Variants in AASDH observed in about 807,000 individuals in gnomAD.
AASDH encodes the protein beta-alanine-activating enzyme.
A neutral mutation model predicts 102.3 loss-of-function variants in AASDH; 81 were observed. The observed-to-expected ratio is 0.79, with a 90% CI of 0.66 to 0.95. The LOEUF (loss-of-function observed/expected upper bound fraction) is 0.95. AASDH is among the 40% of genes least tolerant of loss of function. The pLI, the probability that AASDH is intolerant of heterozygous loss-of-function variation, is 0.00. For synonymous variants in AASDH, 398 were observed against 454.0 expected (o/e 0.88, Z 1.57); for missense variants, 1,203 against 1,266.2 (o/e 0.95, Z 0.76).
At chr4:56,385,905 G>C (rs935359686) in intron 1 of AASDH, among the ~76,000 whole-genome samples, 4 of 150,746 alleles carry the variant, frequency 2.7e-5, no homozygotes, top group African/African-American at 9.8e-5. Context: ...ACCGCGCCCG[G>C]CCGAGTCAAG....
intron 5 of AASDH, among the ~76,000 whole-genome samples, chr4:56,357,789 C>A (rs1385921318): frequency 2.6e-5 from 4 of 151,642 alleles, no homozygotes; most frequent in Non-Finnish European, 5.9e-5. Context: ...AGTTTCATTC[C>A]TTTTTATTGC....
intron 11 of AASDH, chr4:56,348,962 T>C (rs762637171): frequency 2.5e-5 from 10 of 401,320 alleles, no homozygotes; most frequent in Admixed American, 4.2e-5. Context: ...TTTTGGGGTA[T>C]TTGTGATACA....
Position 56,354,034 on chromosome 4 carries a change from T to G in AASDH, c.1383+5A>C, listed in dbSNP as rs753561180. 1 of 1,607,090 alleles carries G rather than the reference T, an allele frequency of 6.2e-7. No individual in the cohort carries two copies. The highest frequency in any genetic ancestry group is 8.5e-7 in the Non-Finnish European group (1 of 1,177,010). On this transcript the variant is annotated splice_donor_5th_base_variant and intron_variant, in intron 8 of 14. Coordinates refer to ENST00000205214, the MANE Select transcript of AASDH (RefSeq NM_181806.4). ...AATAGATATTCAATATTTAAATAGTTCTACCTGTTGCACAAGTTCAATGTT... is the reference window on the plus strand; with the variant it reads ...AATAGATATTCAATATTTAAATAGTGCTACCTGTTGCACAAGTTCAATGTT...
intron 4 of AASDH, among the ~76,000 whole-genome samples, chr4:56,372,332 C>T (rs1190732383): frequency 6.6e-6 from 1 of 152,154 alleles, no homozygotes. Flanking sequence ...TTGTGTAAAC[C>T]AATTTCTTAT....
intron 4 of AASDH, among the ~76,000 whole-genome samples, chr4:56,374,368 A>AG (rs1752108433): frequency 3.2e-5 from 1 of 31,320 alleles, no homozygotes; most frequent in Non-Finnish European, 6.9e-5. Flanking sequence ...ACTCTGTCTC[A>AG]GAAAAAAAAA....
At chr4:56,368,869 A>T (rs1281518088) in intron 5 of AASDH, among the ~76,000 whole-genome samples, 1 of 118,876 alleles carries the variant, frequency 8.4e-6, no homozygotes, top group Non-Finnish European at 2.0e-5. Context: ...AACTTAAATT[A>T]AAAAAAAAAA....
intron 5 of AASDH, among the ~76,000 whole-genome samples, chr4:56,364,832 A>C (rs1028608069): frequency 2.6e-5 from 4 of 152,238 alleles, no homozygotes; most frequent in African/African-American, 9.6e-5. Context: ...ATAACCAGCT[A>C]ACATCATAAT....
intron 4 of AASDH, among the ~76,000 whole-genome samples, chr4:56,377,646 G>C (rs1484287490): frequency 6.6e-6 from 1 of 152,134 alleles, no homozygotes; most frequent in Non-Finnish European, 1.5e-5. Context: ...CCCTAGGCTT[G>C]GATGAAACAG....
At position 56,343,675 on chromosome 4, in the gene AASDH, A is replaced by C; in HGVS notation, c.2662T>G (p.Cys888Gly). 1.2e-6 allele frequency: 2 copies of C among 1,607,916 alleles called. No homozygotes were observed. Among genetic ancestry groups the C allele is most frequent in the Non-Finnish European group, 1.7e-6 (2 of 1,177,440 alleles). ...CCTCCACATTTTGACTTCCAAACAC[A>C]CTTCTTTCTCTGCAAATAAGAAAAC... ...AYALDIYRKK[C>G]VWKSKCGGTV... Residue 888 changes from cysteine to glycine, a missense_variant, in exon 13 of 15, where the codon TGT (cysteine) becomes GGT (glycine). Cys to Gly is a radical substitution (Grantham distance 159). Transcript: ENST00000205214.
At chr4:56,374,921 T>G (rs888566463) in intron 4 of AASDH, among the ~76,000 whole-genome samples, 2 of 152,180 alleles carry the variant, frequency 1.3e-5, no homozygotes, top group African/African-American at 4.8e-5. Flanking sequence ...GTTATCCTTA[T>G]CCAAGCCTTT....
chr4:56,375,453 C>T (rs183528910), intron 4 of AASDH, among the ~76,000 whole-genome samples: 2 of 152,240 alleles, frequency 1.3e-5, no homozygotes, highest in East Asian at 3.9e-4. Flanking sequence ...TTATTTACCA[C>T]CTCACTTAAG....
At chr4:56,356,274 A>G in intron 5 of AASDH, 3 of 1,062,810 alleles carry the variant, frequency 2.8e-6, no homozygotes, top group Non-Finnish European at 4.3e-6. Context: ...ATCCAGCCCA[A>G]AAGAGACCTC....
rs1747205784 is a variant in AASDH, at chr4:56,338,705, A to G, written c.2994T>C (p.Asp998=). 1 of 1,614,200 alleles carries G rather than the reference A, an allele frequency of 6.2e-7. No homozygotes were observed. Among genetic ancestry groups the G allele is most frequent in the Non-Finnish European group, 8.5e-7 (1 of 1,180,030 alleles). ...SEQKIFFGSH[D]CFIYCCNMKG... ...TCATGTTACAACAGTAGATAAAGCA[A>G]TCATGGGAACCAAAAAATATTTTTT... The change falls in exon 15 of 15, where the codon GAT becomes GAC. Residue 998 remains aspartate (D), a synonymous_variant. Coordinates refer to ENST00000205214, the MANE Select transcript of AASDH (RefSeq NM_181806.4).
intron 3 of AASDH, among the ~76,000 whole-genome samples, chr4:56,380,863 T>A (rs1752873080): frequency 6.6e-6 from 1 of 152,118 alleles, no homozygotes; most frequent in South Asian, 2.1e-4. Flanking sequence ...ATCATTACAA[T>A]AAAAAATATG....
At chr4:56,366,047 G>A (rs1318224281) in intron 5 of AASDH, among the ~76,000 whole-genome samples, 3 of 152,108 alleles carry the variant, frequency 2.0e-5, no homozygotes, top group African/African-American at 7.2e-5. Flanking sequence ...TATCACCACC[G>A]ATCCCACAGA....
chr4:56,349,362 C>T lies in AASDH; in HGVS notation c.2389G>A (p.Val797Ile), dbSNP rs1748696364. The T allele has an allele frequency of 1.9e-6, 3 of 1,614,062 alleles. No homozygotes were observed. Among genetic ancestry groups the T allele is most frequent in the Non-Finnish European group, 2.5e-6 (3 of 1,180,044 alleles). ...TTTACCTTCCCAGAGTAAAAGTCAA[C>T]TGCCTTCATTCTATGAGAATGGGAA... Reference protein sequence around the residue: ...IGSHSHRMKAVDFYSGKVKWE... With the variant: ...IGSHSHRMKAIDFYSGKVKWE... The change falls in exon 11 of 15, where the codon GTT (valine) becomes ATT (isoleucine). Residue 797 changes from valine (V) to isoleucine (I), a missense_variant. By Grantham distance (29) the Val-to-Ile change is conservative. Coordinates refer to ENST00000205214, the MANE Select transcript of AASDH (RefSeq NM_181806.4).
intron 1 of AASDH, among the ~76,000 whole-genome samples, chr4:56,385,407 A>G (rs961963429): frequency 3.3e-5 from 5 of 152,328 alleles, no homozygotes; most frequent in African/African-American, 1.2e-4. Context: ...TATCAATGCA[A>G]TGTTCTCTGG....
rs756878290 is a variant in AASDH, at chr4:56,353,435, T to C, written c.1545A>G (p.Val515=). 6.2e-7 allele frequency: 1 copy of C among 1,613,276 alleles called. No homozygotes were observed. Among genetic ancestry groups the C allele is most frequent in the Non-Finnish European group, 8.5e-7 (1 of 1,179,760 alleles). The part of the protein sequence containing the change: ...LPSHAVPDEL[V]LIDSLPFTSH... Reference sequence around the variant, plus strand: ...ATGTAAATGGTAGAGAGTCGATCAATACAAGCTCATCCGGGACTGCATGAC... The same window carrying C: ...ATGTAAATGGTAGAGAGTCGATCAACACAAGCTCATCCGGGACTGCATGAC... The change falls in exon 9 of 15, where the codon GTA becomes GTG. Residue 515 remains valine (V), a synonymous_variant. Coordinates refer to ENST00000205214, the MANE Select transcript of AASDH (RefSeq NM_181806.4).
rs3733324 is a variant in AASDH, at chr4:56,338,794, A to G, written c.2908-3T>C. On this transcript the variant is annotated splice_polypyrimidine_tract_variant and splice_region_variant and intron_variant, in intron 14 of 14. Transcript: ENST00000205214. ...CCACTGGTAGAGAACTGCCAAACCT[A>G]TAACAAGTAATAAAAATAAATATAA... The G allele has an allele frequency of 0.073, 116,971 of 1,610,206 alleles. 5,394 individuals carry two copies. The highest frequency in any genetic ancestry group is 0.23 in the East Asian group (10,299 of 44,824).
Sources: allele counts gnomAD v4.1 joint callset (sites outside exome capture counted in the v4.1 genomes callset), GRCh38; gene constraint gnomAD v4.1.1; transcripts MANE v1.5; gene names NCBI Gene and HGNC (gene_info 2026-07-23, HGNC 2026-07-21).